The following RGL1 variants were observed in gnomAD, a reference collection of about 807,000 sequenced individuals.
RGL1 encodes ral guanine nucleotide dissociation stimulator like 1, also known as ral guanine nucleotide dissociation stimulator-like 1.
In RGL1, 24 loss-of-function variants were observed where a neutral mutation model predicts 95.2. The observed-to-expected ratio is 0.25, with a 90% CI of 0.18 to 0.35. The LOEUF (loss-of-function observed/expected upper bound fraction) is 0.35. Among genes scored for constraint, RGL1 ranks in the 10% least tolerant of loss-of-function variants. RGL1 has a pLI of 1.00. For missense variants in RGL1, 715 were observed against 936.3 expected (o/e 0.76, Z 3.08); for synonymous variants, 329 against 344.9 (o/e 0.95, Z 0.51).
At chr1:183,774,238 C>G (rs2102338124) in intron 2 of RGL1, among the ~76,000 whole-genome samples, 1 of 152,296 alleles carries the variant, frequency 6.6e-6, no homozygotes, top group South Asian at 2.1e-4. Flanking sequence ...ACTACAGAAC[C>G]AAGCAGGTGC....
chr1:183,648,729 G>C (rs770802488), intron 1 of RGL1: 1 of 1,613,818 alleles, frequency 6.2e-7, no homozygotes, highest in Non-Finnish European at 8.5e-7. Context: ...CCAGTAATAT[G>C]GTTTTACTAT....
chr1:183,924,080 C>T (rs910774361), intron 17 of RGL1, among the ~76,000 whole-genome samples: 15 of 152,132 alleles, frequency 9.9e-5, no homozygotes, highest in African/African-American at 3.6e-4. Flanking sequence ...GGATCTAGAA[C>T]CAGAAATGCC....
chr1:183,800,145 A>T (rs1017741940), upstream of RGL1, among the ~76,000 whole-genome samples: 1 of 152,200 alleles, frequency 6.6e-6, no homozygotes, highest in Non-Finnish European at 1.5e-5. Context: ...ATCACTCCAT[A>T]TCATCCTACA....
intron 1 of RGL1, among the ~76,000 whole-genome samples, chr1:183,643,262 TTTTATTTA>T (rs374025637): frequency 0.012 from 1,685 of 136,436 alleles, 22 homozygotes; most frequent in South Asian, 0.065. Flanking sequence ...GGTCCTGTTT[TTTTATTTA>T]TTTATTTATT....
At chr1:183,839,656 C>G (rs550548919) in intron 2 of RGL1, among the ~76,000 whole-genome samples, 1 of 152,266 alleles carries the variant, frequency 6.6e-6, no homozygotes, top group Non-Finnish European at 1.5e-5. Flanking sequence ...TGCTTAAAAC[C>G]TCATCATTGG....
Position 183,847,689 on chromosome 1 carries a change from A to G in RGL1, c.262A>G (p.Asn88Asp). The change falls in exon 3 of 18, where the codon AAT becomes GAT. Residue 88 changes from asparagine to aspartate, a missense_variant. Coordinates refer to ENST00000360851, the MANE Select transcript of RGL1 (RefSeq NM_001297671.3). ...GAACCTGCTGACAGCTTTTGGGGAC[A>G]ATGACTTTACCTATATCAGCATCTT... Reference protein sequence around the residue: ...VENLLTAFGDNDFTYISIFLS... With the variant: ...VENLLTAFGDDDFTYISIFLS... 1.2e-6 allele frequency: 2 copies of G among 1,614,144 alleles called. No homozygotes were observed. Among genetic ancestry groups the G allele is most frequent in the Non-Finnish European group, 1.7e-6 (2 of 1,179,972 alleles).
intron 1 of RGL1, among the ~76,000 whole-genome samples, chr1:183,649,470 T>C (rs1037349946): frequency 3.3e-5 from 5 of 152,230 alleles, no homozygotes; most frequent in African/African-American, 9.6e-5. Flanking sequence ...TTTCTTAAAA[T>C]CACTGGAAAT....
chr1:183,883,689 C>T, intron 5 of RGL1, 97 bp from the exon 6 acceptor site: 1 of 1,384,330 alleles, frequency 7.2e-7, no homozygotes, highest in South Asian at 1.3e-5. Flanking sequence ...GGAGGATTGG[C>T]CCTCTTCTTC....
chr1:183,689,711 A>G (rs1304231643), intron 1 of RGL1, among the ~76,000 whole-genome samples: 1 of 152,232 alleles, frequency 6.6e-6, no homozygotes, highest in Non-Finnish European at 1.5e-5. Flanking sequence ...TCACTGCATA[A>G]CATAGATACA....
At chr1:183,720,397 C>G (rs1176799845) in intron 1 of RGL1, among the ~76,000 whole-genome samples, 1 of 152,236 alleles carries the variant, frequency 6.6e-6, no homozygotes, top group Non-Finnish European at 1.5e-5. Context: ...CCTATACTCC[C>G]TCTTCACACA....
intron 1 of RGL1, chr1:183,648,604 ATGT>A (rs1410195773): frequency 6.8e-6 from 11 of 1,614,098 alleles, no homozygotes; most frequent in Non-Finnish European, 9.3e-6. Flanking sequence ...GTTTGAGGAA[ATGT>A]TGTCCCATAA....
At chr1:183,661,466 G>A (rs917704410) in intron 1 of RGL1, among the ~76,000 whole-genome samples, 2 of 152,066 alleles carry the variant, frequency 1.3e-5, no homozygotes, top group Non-Finnish European at 2.9e-5. Context: ...AGAAGAAGTG[G>A]ATAAATTCCT....
rs976116292 is a variant in RGL1, at chr1:183,688,596, T to A, written c.-33+52095T>A. 5.3e-5 allele frequency among the ~76,000 whole-genome samples: 8 copies of A among 152,306 alleles called. No individual in the cohort carries two copies. In the East Asian group the frequency reaches 5.8e-4, roughly 11 times the overall value. On this transcript the variant is annotated intron_variant, in intron 1 of 18. Transcript: ENST00000304685. The stretch of plus-strand genomic sequence containing the variant: ...TCTTGACATTTTTTCAACTTTTTTT[T>A]AAGCCAGACTATTGATGCATTTTAA...
At chr1:183,923,491 A>G (rs1190490326) in intron 17 of RGL1, among the ~76,000 whole-genome samples, 4 of 152,112 alleles carry the variant, frequency 2.6e-5, no homozygotes, top group African/African-American at 9.7e-5. Context: ...AAGTTGTACC[A>G]TTTTGCTTAC....
chr1:183,671,508 A>AGTAT, intron 1 of RGL1, among the ~76,000 whole-genome samples: 1 of 152,098 alleles, frequency 6.6e-6, no homozygotes, highest in African/African-American at 2.4e-5. Flanking sequence ...ATTGTCAGTG[A>AGTAT]AAGGAAGCAT....
chr1:183,805,323 T>C lies in RGL1; in HGVS notation c.26T>C (p.Met9Thr), dbSNP rs749993362. ...ATGAAATTGCTTTGGCAAGCTAAAA[T>C]GGTAACGAGAGCTCTCTGCCTTCTC... Reference protein sequence around the residue: MKLLWQAKMSSIQDWGEEV... With the variant: MKLLWQAKTSSIQDWGEEV... The change falls in exon 1 of 18, where the codon ATG becomes ACG. Residue 9 changes from methionine (M) to threonine (T), a missense_variant and splice_region_variant. Physicochemically the swap from Met to Thr is moderately conservative, Grantham distance 81. Coordinates refer to ENST00000360851, the MANE Select transcript of RGL1 (RefSeq NM_001297671.3). 6.2e-7 allele frequency: 1 copy of C among 1,611,386 alleles called. No homozygotes were observed. Among genetic ancestry groups the C allele is most frequent in the Non-Finnish European group, 8.5e-7 (1 of 1,179,180 alleles).
At chr1:183,832,966 G>A (rs868825088) in intron 2 of RGL1, among the ~76,000 whole-genome samples, 1 of 152,126 alleles carries the variant, frequency 6.6e-6, no homozygotes, top group Non-Finnish European at 1.5e-5. Context: ...CAACCAGCTG[G>A]AAGAGTAATG....
intron 2 of RGL1, among the ~76,000 whole-genome samples, chr1:183,820,515 G>A (rs1008700099): frequency 2.6e-5 from 4 of 152,120 alleles, no homozygotes; most frequent in African/African-American, 2.4e-5. Context: ...TGTGACAAAC[G>A]TGCAGTGGAA....
chr1:183,796,192 G>A (rs1434404878), intron 2 of RGL1, among the ~76,000 whole-genome samples: 57 of 144,592 alleles, frequency 3.9e-4, no homozygotes, highest in African/African-American at 1.5e-3. Context: ...TTGAGATGGA[G>A]TCTCGCTCTG....
Sources: allele counts gnomAD v4.1 joint callset (sites outside exome capture counted in the v4.1 genomes callset), GRCh38; gene constraint gnomAD v4.1.1; transcripts MANE v1.5; gene names NCBI Gene and HGNC (gene_info 2026-07-23, HGNC 2026-07-21).